Variants in SYNE1 observed in about 807,000 individuals in gnomAD.
The protein encoded by SYNE1 is nesprin-1.
SYNE1 carries 616 observed loss-of-function variants against 1,111.0 expected under a neutral mutation model. The ratio of observed to expected loss-of-function variants is 0.55; its 90% CI spans 0.52 to 0.59. SYNE1 has a LOEUF of 0.59. Among genes scored for constraint, SYNE1 ranks in the 20% least tolerant of loss-of-function variants. The pLI is 0.00. For synonymous variants in SYNE1, 3,855 were observed against 3,825.8 expected (o/e 1.01, Z -0.28); for missense variants, 10,006 against 10,417.0 (o/e 0.96, Z 1.72).
At position 152,321,897 on chromosome 6, in the gene SYNE1, A is replaced by G. The variant is rs776111592; in HGVS notation, c.15918-11T>C. On this transcript the variant is annotated splice_polypyrimidine_tract_variant and intron_variant, in intron 82 of 145. Coordinates refer to ENST00000367255, the MANE Select transcript of SYNE1 (RefSeq NM_182961.4). ...ACTTTCTCCTGCATGCTTCAGAAAC[A>G]TTACAGGGATAAAACAGAAGTGAAG... 7 of 1,613,956 alleles carry G rather than the reference A, an allele frequency of 4.3e-6. No homozygotes were observed. Among genetic ancestry groups the G allele is most frequent in the Non-Finnish European group, 5.9e-6 (7 of 1,179,974 alleles).
rs769243176 is a variant in SYNE1 at position 152,391,588 on chromosome 6, A to AAAAAAAG, written c.7713-27_7713-21dup. ...GACTCTCTGAAAAAAAGGAAAAAAA[A>AAAAAAAG]AAAAAAGAAAAAAAATTAATTCTGA... On this transcript the variant is annotated intron_variant, in intron 51 of 145. Transcript: ENST00000367255. 7.7e-6 allele frequency: 12 copies of AAAAAAAG among 1,558,088 alleles called. No individual in the cohort carries two copies. Among genetic ancestry groups the AAAAAAAG allele is most frequent in the African/African-American group, 1.5e-5 (1 of 68,718 alleles).
chr6:152,239,141 T>C (rs2084935781), intron 108 of SYNE1, among the ~76,000 whole-genome samples: 1 of 152,046 alleles, frequency 6.6e-6, no homozygotes, highest in African/African-American at 2.4e-5. Flanking sequence ...GGTCTCGAAC[T>C]CCTGACCTCA....
At chr6:152,545,154 G>A (rs540957191) in intron 3 of SYNE1, among the ~76,000 whole-genome samples, 1 of 152,158 alleles carries the variant, frequency 6.6e-6, no homozygotes, top group African/African-American at 2.4e-5. Flanking sequence ...GAGTGATATA[G>A]CATCTCATGT....
intron 92 of SYNE1, among the ~76,000 whole-genome samples, chr6:152,301,542 C>T (rs903820821): frequency 1.6e-4 from 25 of 152,184 alleles, no homozygotes; most frequent in Admixed American, 5.2e-4. Context: ...CCCCAGACAA[C>T]TAAAACACTG....
rs147285387 is a variant in SYNE1, at chr6:152,149,620, T to C, written c.24499A>G (p.Ile8167Val). Reference protein sequence around the residue: ...SLNHNKIEQIIAQGEQLIEKS... With the variant: ...SLNHNKIEQIVAQGEQLIEKS... ...TCTATCAGCTGTTCTCCTTGGGCAA[T>C]TATCTGCTCAATCTTATTGTGGTTC... The change falls in exon 136 of 146, where the codon ATT becomes GTT. Residue 8167 changes from isoleucine (I) to valine (V), a missense_variant. Coordinates refer to ENST00000367255, the MANE Select transcript of SYNE1 (RefSeq NM_182961.4). 8 of 1,614,070 alleles carry C rather than the reference T, an allele frequency of 5.0e-6. No homozygotes were observed. In the African/African-American group the frequency reaches 1.1e-4, roughly 22 times the overall value.
At chr6:152,536,703 C>A (rs1474582506) in intron 4 of SYNE1, among the ~76,000 whole-genome samples, 1 of 151,564 alleles carries the variant, frequency 6.6e-6, no homozygotes, top group Non-Finnish European at 1.5e-5. Context: ...TAATCTCAAT[C>A]ATTTGCTCAA....
intron 46 of SYNE1, 35 bp downstream of exon 46, chr6:152,404,178 G>T: frequency 6.8e-7 from 1 of 1,470,376 alleles, no homozygotes; most frequent in Non-Finnish European, 9.5e-7. Context: ...ATTACAAAAT[G>T]GATGGAAGTC....
At chr6:152,402,062 C>T (rs763262030) in intron 46 of SYNE1, among the ~76,000 whole-genome samples, 4 of 152,072 alleles carry the variant, frequency 2.6e-5, no homozygotes, top group Non-Finnish European at 5.9e-5. Flanking sequence ...CTTTCTCTTC[C>T]TTCATTTTAT....
intron 32 of SYNE1, among the ~76,000 whole-genome samples, chr6:152,437,889 T>C (rs1445089755): frequency 6.6e-6 from 1 of 152,180 alleles, no homozygotes; most frequent in Non-Finnish European, 1.5e-5. Context: ...AATACTATTA[T>C]ATCTTCATGT....
intron 74 of SYNE1, among the ~76,000 whole-genome samples, chr6:152,341,177 C>T (rs149254754): frequency 1.3e-5 from 2 of 152,240 alleles, no homozygotes; most frequent in Non-Finnish European, 2.9e-5. Context: ...AATGTACAAG[C>T]GAACTATGGT....
At chr6:152,125,344 T>C in intron 145 of SYNE1, 4 of 1,550,288 alleles carry the variant, frequency 2.6e-6, no homozygotes, top group Non-Finnish European at 3.5e-6. Context: ...TTTCCTCGTG[T>C]CTAAAGCCTC....
intron 127 of SYNE1, 91 bp from the exon 128 acceptor site, chr6:152,189,498 T>C (rs2071565251): frequency 8.0e-7 from 1 of 1,243,680 alleles, no homozygotes; most frequent in African/African-American, 1.5e-5. Context: ...AGAATTTCCT[T>C]TGTATAGCCC....
chr6:152,628,629 T>C, intron 2 of SYNE1, 75 bp from the exon 3 acceptor site: 2 of 362,384 alleles, frequency 5.5e-6, no homozygotes, highest in South Asian at 4.4e-5. Context: ...AAAGGAGAAA[T>C]ATTTCTATTT....
chr6:152,348,753 T>A (rs919841497), intron 72 of SYNE1, among the ~76,000 whole-genome samples: 1 of 100,120 alleles, frequency 1.0e-5, no homozygotes, highest in Non-Finnish European at 2.3e-5. Context: ...AGTGTTTTTT[T>A]TTTTTCCTGT....
chr6:152,343,528 T>C (rs2096577321), intron 74 of SYNE1, among the ~76,000 whole-genome samples: 1 of 151,170 alleles, frequency 6.6e-6, no homozygotes, highest in East Asian at 2.0e-4. Context: ...TATTTTTTAT[T>C]TTTATTTTTT....
In SYNE1 at chr6:152,131,971, G is replaced by T. The variant is rs73625140; in HGVS notation, c.26094+151C>A. The stretch of plus-strand genomic sequence containing the variant: ...CATTCCTGAGCGCGTGCTGGGAGGG[G>T]ATGTGGCAGGGCTGAGGAAGCGCGC... On this transcript the variant is annotated intron_variant, in intron 144 of 145. Coordinates refer to ENST00000367255, the MANE Select transcript of SYNE1 (RefSeq NM_182961.4). 0.035 allele frequency: 22,892 copies of T among 647,410 alleles called. 470 individuals carry two copies. Among genetic ancestry groups the T allele is most frequent in the Middle Eastern group, 0.061 (140 of 2,298 alleles). The allele number at this position is 647,410 out of a possible 1,614,324, so 40.1% of individuals were successfully genotyped here. A position where few individuals can be genotyped will look rare whatever the true frequency, so the allele number is the denominator to read the frequency against.
At chr6:152,345,588 TA>T (rs1453097089) in intron 73 of SYNE1, among the ~76,000 whole-genome samples, 1 of 147,614 alleles carries the variant, frequency 6.8e-6, no homozygotes, top group Non-Finnish European at 1.5e-5. Flanking sequence ...TTTTTTTTTT[TA>T]AGTCTAGGAA....
chr6:152,252,098 C>A (rs2089488528), intron 104 of SYNE1, among the ~76,000 whole-genome samples: 1 of 151,988 alleles, frequency 6.6e-6, no homozygotes, highest in South Asian at 2.1e-4. Flanking sequence ...ACAGTGAAAG[C>A]CCATCTCTAC....
intron 63 of SYNE1, among the ~76,000 whole-genome samples, chr6:152,362,601 G>A (rs532103157): frequency 4.6e-5 from 7 of 152,214 alleles, no homozygotes; most frequent in African/African-American, 1.7e-4. Context: ...ACGAGACACT[G>A]GGGGAGCCTC....
Sources: gnomAD v4.1 joint callset for allele counts (sites outside exome capture counted in the v4.1 genomes callset) on GRCh38, gnomAD v4.1.1 for gene constraint, MANE v1.5 for transcripts, NCBI Gene and HGNC (gene_info 2026-07-23, HGNC 2026-07-21) for gene names.